SNX25: variants seen among roughly 807,000 people sequenced by gnomAD.
The protein encoded by SNX25 is sorting nexin-25.
SNX25 carries 62 observed loss-of-function variants against 113.7 expected under a neutral mutation model. The observed-to-expected ratio is 0.55, with a 90% CI of 0.44 to 0.67. SNX25 has a LOEUF of 0.67. Among genes scored for constraint, SNX25 ranks in the 30% least tolerant of loss-of-function variants. SNX25 has a pLI of 0.00. For missense variants in SNX25, 1,014 were observed against 1,161.0 expected, an observed-to-expected ratio of 0.87 and a Z score of 1.84; for synonymous variants, 421 against 436.2, an observed-to-expected ratio of 0.97 and a Z score of 0.43.
upstream of SNX25, among the ~76,000 whole-genome samples, chr4:185,205,785 C>T (rs764966571): frequency 9.2e-5 from 14 of 152,168 alleles, no homozygotes; most frequent in African/African-American, 2.2e-4. Flanking sequence ...GCTGAGATCA[C>T]GCCATTGTAC....
the SNX25 span, among the ~76,000 whole-genome samples, chr4:185,376,442 A>AC: frequency 2.6e-4 from 29 of 110,418 alleles, no homozygotes; most frequent in African/African-American, 1.2e-3. Flanking sequence ...ATGCCCAGCT[A>AC]CTTTTTTTTT....
intron 1 of SNX25, among the ~76,000 whole-genome samples, chr4:185,241,052 C>T (rs1336880036): frequency 4.0e-5 from 6 of 150,534 alleles, no homozygotes; most frequent in East Asian, 2.0e-4. Context: ...CAGGCAGAGA[C>T]GCTCCTCACT....
chr4:185,356,417 T>C (rs1269414925), intron 15 of SNX25, among the ~76,000 whole-genome samples: 2 of 152,170 alleles, frequency 1.3e-5, no homozygotes, highest in African/African-American at 2.4e-5. Context: ...AGTGAAGTTA[T>C]CATCACTGAT....
intron 1 of SNX25, among the ~76,000 whole-genome samples, chr4:185,239,888 G>A (rs1364440150): frequency 2.0e-5 from 3 of 148,956 alleles, no homozygotes; most frequent in Admixed American, 6.7e-5. Context: ...AAGGTCTCTG[G>A]TTTTCCTAGG....
chr4:185,328,803 G>A (rs954552400), intron 9 of SNX25, among the ~76,000 whole-genome samples: 12 of 152,146 alleles, frequency 7.9e-5, no homozygotes, highest in Non-Finnish European at 1.2e-4. Context: ...GGAGAATGGC[G>A]GATTGACTGG....
intron 6 of SNX25, among the ~76,000 whole-genome samples, chr4:185,293,567 TCACTTTCCAGTGTATGTTGCTAAGA>T (rs1308835131): frequency 6.6e-6 from 1 of 152,244 alleles, no homozygotes; most frequent in Non-Finnish European, 1.5e-5. Context: ...AGAAAGCAGG[TCACTTTCCAGTGTATGTTGCTAAGA>T]TGTTTTGATG....
chr4:185,362,518 C>G, intron 17 of SNX25, 93 bp from the exon 18 acceptor site: 1 of 1,268,466 alleles, frequency 7.9e-7, no homozygotes, highest in Non-Finnish European at 1.1e-6. Context: ...TGTTTATTGA[C>G]TGAAGGTGTA....
At chr4:185,324,352 A>T (rs2095140863) in intron 9 of SNX25, among the ~76,000 whole-genome samples, 1 of 152,176 alleles carries the variant, frequency 6.6e-6, no homozygotes, top group Non-Finnish European at 1.5e-5. Context: ...GAGGAAAGAA[A>T]CACGAAAGAC....
Position 185,362,624 on chromosome 4 carries a change from C to T in SNX25, c.2847C>T (p.Ser949=), listed in dbSNP as rs150654028. Residue 949 remains serine, a synonymous_variant, in exon 18 of 19, where the codon AGC becomes AGT. Coordinates refer to ENST00000652585, the MANE Select transcript of SNX25 (RefSeq NM_001378034.2). Reference sequence around the variant, plus strand: ...TTAATTTTTCAGATATGCTTCAGAGCCTTGTTGGACAGCAAAATGCCCGCC... The same window carrying T: ...TTAATTTTTCAGATATGCTTCAGAGTCTTGTTGGACAGCAAAATGCCCGCC... ...LLENIPDMLQ[S]LVGQQNARHG... The T allele has an allele frequency of 1.9e-6, 3 of 1,613,944 alleles. No homozygotes were observed. Among genetic ancestry groups the T allele is most frequent in the Non-Finnish European group, 2.5e-6 (3 of 1,179,936 alleles).
rs1171233973 is a variant in SNX25, at chr4:185,277,995, G to A, written c.1092-10017G>A. 2.2e-4 allele frequency among the ~76,000 whole-genome samples: 10 copies of A among 45,246 alleles called. 2 individuals are homozygous for A. Among genetic ancestry groups the A allele is most frequent in the Admixed American group, 4.7e-4 (2 of 4,232 alleles). The allele number at this position is 45,246 out of a possible 152,430, so 29.7% of individuals were successfully genotyped here. ...GATCCGCCCGCCTCGGCCTCCCAAA[G>A]TGCTGGGATTACAGGCGTGAGCCAC... On this transcript the variant is annotated intron_variant, in intron 5 of 18. Transcript: ENST00000652585.
At chr4:185,353,450 G>A in intron 14 of SNX25, 35 bp from the exon 15 acceptor site, 1 of 1,535,656 alleles carries the variant, frequency 6.5e-7, no homozygotes, top group Non-Finnish European at 9.0e-7. Flanking sequence ...TCTTGGATAA[G>A]TTATCTGCTT....
intron 9 of SNX25, 138 bp downstream of exon 9, chr4:185,323,938 G>A (rs2095138192): frequency 3.4e-6 from 3 of 876,234 alleles, no homozygotes; most frequent in African/African-American, 1.7e-5. Flanking sequence ...AATAAAAGTA[G>A]CATCGTTTAA....
At chr4:185,248,460 T>G (rs1422862357) in intron 2 of SNX25, among the ~76,000 whole-genome samples, 1 of 150,752 alleles carries the variant, frequency 6.6e-6, no homozygotes, top group Non-Finnish European at 1.5e-5. Context: ...GAGTCCAGCC[T>G]GGGCAACATG....
chr4:185,339,070 C>A (rs936784844), intron 10 of SNX25, among the ~76,000 whole-genome samples: 5 of 152,114 alleles, frequency 3.3e-5, no homozygotes, highest in Non-Finnish European at 5.9e-5. Context: ...GTACTGACAG[C>A]AATATTAATT....
chr4:185,206,202 T>G (rs1393583672), upstream of SNX25, among the ~76,000 whole-genome samples: 1 of 152,226 alleles, frequency 6.6e-6, no homozygotes, highest in South Asian at 2.1e-4. Context: ...CAGATACTTA[T>G]GCACCCATGT....
At chr4:185,342,521 C>G (rs2095264969) in intron 12 of SNX25, among the ~76,000 whole-genome samples, 1 of 151,986 alleles carries the variant, frequency 6.6e-6, no homozygotes, top group Non-Finnish European at 1.5e-5. Flanking sequence ...AGGATTCTAT[C>G]ACATATACAA....
intron 6 of SNX25, among the ~76,000 whole-genome samples, chr4:185,303,346 A>G (rs1311632926): frequency 6.6e-6 from 1 of 152,158 alleles, no homozygotes; most frequent in Non-Finnish European, 1.5e-5. Flanking sequence ...GGGGAGTGCT[A>G]GGAGTTCCAG....
chr4:185,248,391 C>T (rs1484877525), intron 2 of SNX25, among the ~76,000 whole-genome samples: 1 of 152,148 alleles, frequency 6.6e-6, no homozygotes, highest in Non-Finnish European at 1.5e-5. Context: ...GATGTGGTGG[C>T]TCATGCCTGT....
intron 9 of SNX25, among the ~76,000 whole-genome samples, chr4:185,331,780 C>CA (rs966887038): frequency 2.0e-5 from 3 of 151,912 alleles, no homozygotes; most frequent in African/African-American, 7.3e-5. Flanking sequence ...GACTCTGTCT[C>CA]AAAAAAACAA....
Sources: gnomAD v4.1 joint callset for allele counts (sites outside exome capture counted in the v4.1 genomes callset) on GRCh38, gnomAD v4.1.1 for gene constraint, MANE v1.5 for transcripts, NCBI Gene and HGNC (gene_info 2026-07-23, HGNC 2026-07-21) for gene names.